The following SH3KBP1 variants were observed in gnomAD, a reference collection of about 807,000 sequenced individuals.
SH3KBP1 encodes the protein SH3 domain containing kinase binding protein 1.
Under a neutral mutation model 50.1 loss-of-function variants are expected in SH3KBP1, and 8 were observed. The observed-to-expected ratio is 0.16, with a 90% confidence interval of 0.09 to 0.29. SH3KBP1 has a LOEUF of 0.29. Among genes scored for constraint, SH3KBP1 ranks in the 10% least tolerant of loss-of-function variants. The pLI is 1.00. For synonymous variants in SH3KBP1, 227 were observed against 218.6 expected, an observed-to-expected ratio of 1.04 and a Z score of -0.34; for missense variants, 377 against 535.2, an observed-to-expected ratio of 0.70 and a Z score of 2.92.
intron 7 of SH3KBP1, among the ~76,000 whole-genome samples, chrX:19,639,242 A>C (rs896749148): frequency 5.4e-5 from 6 of 111,633 alleles, no homozygotes; most frequent in African/African-American, 2.0e-4. Flanking sequence ...AACTCCAAAC[A>C]ACCACCTTCG....
chrX:19,650,521 C>A (rs751443108), intron 6 of SH3KBP1, among the ~76,000 whole-genome samples: 17 of 106,788 alleles, frequency 1.6e-4, no homozygotes, highest in Non-Finnish European at 2.7e-4. Context: ...TCACCTCCCA[C>A]AAGGTCCCTC....
chrX:19,800,009 G>C (rs1457567761), intron 2 of SH3KBP1, among the ~76,000 whole-genome samples: 1 of 111,802 alleles, frequency 8.9e-6, no homozygotes, highest in Non-Finnish European at 1.9e-5. Context: ...AGAGAGGAGA[G>C]AGCTGGAGAA....
intron 9 of SH3KBP1, among the ~76,000 whole-genome samples, chrX:19,599,866 C>T (rs1408516572): frequency 3.6e-5 from 4 of 111,075 alleles, no homozygotes; most frequent in South Asian, 7.4e-4. Flanking sequence ...ATGCAACAGG[C>T]GCCAGGCGCG....
chrX:19,772,171 G>T (rs1195510140), intron 2 of SH3KBP1, among the ~76,000 whole-genome samples: 3 of 111,623 alleles, frequency 2.7e-5, no homozygotes, highest in African/African-American at 9.8e-5. Flanking sequence ...GAGAAAAACA[G>T]TTGGGAAAAT....
intron 2 of SH3KBP1, among the ~76,000 whole-genome samples, chrX:19,830,261 T>C (rs186469872): frequency 1.8e-5 from 2 of 109,325 alleles, no homozygotes; most frequent in African/African-American, 6.7e-5. Flanking sequence ...TTCCTTTTTA[T>C]AGGCATGCTG....
intron 4 of SH3KBP1, among the ~76,000 whole-genome samples, chrX:19,705,345 A>T (rs919868475): frequency 8.9e-6 from 1 of 111,941 alleles, no homozygotes; most frequent in Non-Finnish European, 1.9e-5. Context: ...GACTAGCTTC[A>T]AATCGTACCA....
In SH3KBP1 at chrX:19,623,460, C is replaced by T. The variant is rs769172332; in HGVS notation, c.897+8404G>A. ...CAGCACTTTGGGAGGCCCAGGCGGG[C>T]GGATCACCCGAGGTCAGGAGTTCAA... is the stretch of plus-strand genomic sequence containing the variant. On this transcript the variant is annotated intron_variant, in intron 8 of 17. Coordinates refer to ENST00000397821, the MANE Select transcript of SH3KBP1 (RefSeq NM_031892.3). Among the ~76,000 whole-genome samples, 330 of 111,951 alleles carry T rather than the reference C, an allele frequency of 2.9e-3. 2 individuals carry two copies. The highest frequency in any genetic ancestry group is 0.01 in the African/African-American group (308 of 30,779).
intron 4 of SH3KBP1, among the ~76,000 whole-genome samples, chrX:19,698,994 C>G (rs1325845444): frequency 8.9e-6 from 1 of 112,126 alleles, no homozygotes; most frequent in African/African-American, 3.2e-5. Context: ...AGGTTTCCTT[C>G]CTGTGAGGAG....
chrX:19,747,568 C>T (rs1157777582), intron 2 of SH3KBP1: 2 of 335,720 alleles, frequency 6.0e-6, no homozygotes, highest in African/African-American at 5.3e-5. Context: ...TGACTAGGCC[C>T]GAGCAGAGGG....
chrX:19,706,905 G>A lies in SH3KBP1; in HGVS notation c.366C>T (p.Gly122=), dbSNP rs746924583. The change falls in exon 4 of 18, where the codon GGC becomes GGT. Residue 122 remains glycine, a synonymous_variant. Transcript: ENST00000397821. The stretch of plus-strand genomic sequence containing the variant: ...CCTCTCCTACCACCTCTATGATGTC[G>A]CCAACTTTCAGCTCAAGTTCATCGT... The part of the protein sequence containing the change: ...QNDDELELKV[G]DIIEVVGEVE... 13 of 1,210,451 alleles carry A rather than the reference G, an allele frequency of 1.1e-5. No individual in the cohort carries two copies. Among genetic ancestry groups the A allele is most frequent in the East Asian group, 8.9e-5 (3 of 33,822 alleles).
At chrX:19,566,661 C>G (rs1188196543) in intron 13 of SH3KBP1, among the ~76,000 whole-genome samples, 1 of 111,981 alleles carries the variant, frequency 8.9e-6, no homozygotes. Context: ...CTGCTCTGCT[C>G]TGCTCTGCCT....
chrX:19,819,101 G>T (rs971326682), intron 2 of SH3KBP1, among the ~76,000 whole-genome samples: 1 of 111,764 alleles, frequency 8.9e-6, no homozygotes, highest in African/African-American at 3.3e-5. Flanking sequence ...GTTAGTTATA[G>T]GACTATTGAC....
chrX:19,724,272 TAGAG>T (rs943219414), intron 3 of SH3KBP1, among the ~76,000 whole-genome samples: 4 of 111,366 alleles, frequency 3.6e-5, no homozygotes, highest in Non-Finnish European at 5.7e-5. Context: ...CAGAGAAAAA[TAGAG>T]AAAGTAGGGA....
intron 12 of SH3KBP1, among the ~76,000 whole-genome samples, chrX:19,583,527 G>T (rs1319323077): frequency 1.8e-5 from 2 of 110,639 alleles, no homozygotes; most frequent in Admixed American, 9.8e-5. Context: ...AATTCCACAT[G>T]AACTTACTTT....
intron 1 of SH3KBP1, among the ~76,000 whole-genome samples, chrX:19,875,706 G>C (rs920396256): frequency 8.9e-6 from 1 of 112,714 alleles, no homozygotes; most frequent in East Asian, 2.8e-4. Context: ...CAGAAGCTCC[G>C]GTGGGCTCAG....
intron 1 of SH3KBP1, among the ~76,000 whole-genome samples, chrX:19,837,667 C>CT (rs1205317362): frequency 1.8e-5 from 2 of 109,618 alleles, no homozygotes; most frequent in Admixed American, 9.8e-5. Flanking sequence ...TCTTGAACTC[C>CT]TGACCTCAGA....
intron 2 of SH3KBP1, among the ~76,000 whole-genome samples, chrX:19,825,153 G>A (rs2067638635): frequency 9.0e-6 from 1 of 111,717 alleles, no homozygotes; most frequent in South Asian, 3.7e-4. Context: ...AAAACAACGT[G>A]TGCTTACAAA....
At chrX:19,590,648 T>TTTA (rs2066716037) in intron 11 of SH3KBP1, among the ~76,000 whole-genome samples, 1 of 94,626 alleles carries the variant, frequency 1.1e-5, no homozygotes, top group African/African-American at 3.8e-5. Context: ...CATCACACAC[T>TTTA]TTTTTTTTTT....
intron 15 of SH3KBP1, among the ~76,000 whole-genome samples, chrX:19,543,950 G>A (rs894443939): frequency 1.8e-5 from 2 of 111,180 alleles, no homozygotes; most frequent in African/African-American, 6.5e-5. Flanking sequence ...AGGCGGGGGC[G>A]ATGAGCAGCA....
Sources: gnomAD v4.1 joint callset for allele counts (sites outside exome capture counted in the v4.1 genomes callset) on GRCh38, gnomAD v4.1.1 for gene constraint, MANE v1.5 for transcripts, NCBI Gene and HGNC (gene_info 2026-07-23, HGNC 2026-07-21) for gene names.